ATG16L1: variants seen among roughly 807,000 people sequenced by gnomAD.
ATG16L1 encodes autophagy related 16 like 1.
Under a neutral mutation model 88.5 loss-of-function variants are expected in ATG16L1, and 37 were observed. That is an observed-to-expected ratio of 0.42 (90% CI 0.32 to 0.55). The LOEUF (loss-of-function observed/expected upper bound fraction) is 0.55. Ranked by LOEUF, ATG16L1 falls within the 20% of genes least tolerant of loss-of-function variation. The pLI is 0.13. For synonymous variants in ATG16L1, 301 were observed against 281.0 expected (o/e 1.07, Z -0.71); for missense variants, 554 against 752.8 (o/e 0.74, Z 3.09).
chr2:233,265,251 G>T, intron 5 of ATG16L1, 108 bp downstream of exon 5: 5 of 1,395,548 alleles, frequency 3.6e-6, no homozygotes, highest in Non-Finnish European at 4.9e-6. Flanking sequence ...GTTTACCAGG[G>T]AATTCTTTCA....
intron 10 of ATG16L1, among the ~76,000 whole-genome samples, chr2:233,278,760 A>G (rs1698539802): frequency 6.6e-6 from 1 of 151,974 alleles, no homozygotes; most frequent in South Asian, 2.1e-4. Flanking sequence ...TTAGTAAAGC[A>G]CCCCTCCTAT....
intron 9 of ATG16L1, chr2:233,277,363 C>A: frequency 2.0e-6 from 1 of 489,368 alleles, no homozygotes; most frequent in Non-Finnish European, 3.7e-6. Flanking sequence ...GGTTGCACTG[C>A]ACTCTAATGC....
chr2:233,259,337 T>C (rs1697036634), intron 2 of ATG16L1, among the ~76,000 whole-genome samples: 1 of 152,064 alleles, frequency 6.6e-6, no homozygotes, highest in Non-Finnish European at 1.5e-5. Flanking sequence ...GGAGGAGTGT[T>C]TTGGCCCTCT....
intron 2 of ATG16L1, among the ~76,000 whole-genome samples, chr2:233,261,463 G>C (rs748575874): frequency 1.1e-4 from 16 of 152,142 alleles, no homozygotes; most frequent in Non-Finnish European, 1.9e-4. Flanking sequence ...GTGTTCCACT[G>C]TCTAATCTCT....
chr2:233,281,425 T>C (rs1698713073), intron 11 of ATG16L1, among the ~76,000 whole-genome samples: 1 of 152,190 alleles, frequency 6.6e-6, no homozygotes, highest in Admixed American at 6.5e-5. Context: ...ACTTAATAGT[T>C]GTATTTTGAG....
chr2:233,277,293 G>A (rs1698438386), intron 9 of ATG16L1: 1 of 296,500 alleles, frequency 3.4e-6, no homozygotes, highest in Non-Finnish European at 6.5e-6. Flanking sequence ...TAGAACAGAT[G>A]AAATTAATGC....
intron 6 of ATG16L1, among the ~76,000 whole-genome samples, chr2:233,270,532 G>A (rs1697924717): frequency 6.6e-6 from 1 of 152,184 alleles, no homozygotes; most frequent in South Asian, 2.1e-4. Flanking sequence ...CCTGCACTCA[G>A]TACCCGTTAC....
chr2:233,262,149 C>G (rs908155716), intron 2 of ATG16L1, among the ~76,000 whole-genome samples: 1 of 152,194 alleles, frequency 6.6e-6, no homozygotes, highest in Non-Finnish European at 1.5e-5. Flanking sequence ...ATCCTTGACT[C>G]CTATCTGTCT....
intron 2 of ATG16L1, among the ~76,000 whole-genome samples, chr2:233,259,927 T>C (rs1355613718): frequency 2.0e-5 from 3 of 152,186 alleles, no homozygotes. Context: ...CTCAAAAGAC[T>C]CCTGTGACCG....
At chr2:233,272,538 A>G (rs1018401236) in intron 6 of ATG16L1, among the ~76,000 whole-genome samples, 2 of 152,172 alleles carry the variant, frequency 1.3e-5, no homozygotes, top group African/African-American at 4.8e-5. Context: ...TGCTGCCCCT[A>G]ACTACCCTAG....
chr2:233,271,600 T>C (rs1697995433), intron 6 of ATG16L1, among the ~76,000 whole-genome samples: 1 of 152,268 alleles, frequency 6.6e-6, no homozygotes, highest in Admixed American at 6.5e-5. Flanking sequence ...TTAATCTCTA[T>C]GCTTCCCTAA....
intron 1 of ATG16L1, among the ~76,000 whole-genome samples, chr2:233,253,437 C>T (rs542386358): frequency 1.5e-4 from 22 of 149,900 alleles, no homozygotes; most frequent in African/African-American, 5.4e-4. Context: ...CCTCCACCTC[C>T]CAGGTTCAAG....
At chr2:233,269,818 T>A (rs1697861059) in intron 5 of ATG16L1, among the ~76,000 whole-genome samples, 184 bp from the exon 6 acceptor site, 1 of 152,214 alleles carries the variant, frequency 6.6e-6, no homozygotes, top group South Asian at 2.1e-4. Flanking sequence ...TGAAACCCTT[T>A]AAAAGGGGAG....
rs764115562 is a variant in ATG16L1 at position 233,275,944 on chromosome 2, C to CT, written c.954+1167dup. 5 of 519,164 alleles carry CT rather than the reference C, an allele frequency of 9.6e-6. No individual in the cohort carries two copies. The Admixed American group carries it at 9.7e-5, about 10-fold the overall frequency. 32.2% of individuals were successfully genotyped at this position (519,164 alleles called of 1,614,324 possible). A position where few individuals can be genotyped will look rare whatever the true frequency, so the allele number is the denominator to read the frequency against. ...CCAACAAAACCAGTTACACAGGAGA[C>CT]TGACGAGTGGCAGTCATGGGTGTGA... is the stretch of plus-strand genomic sequence containing the variant. On this transcript the variant is annotated intron_variant, in intron 9 of 17. Coordinates refer to ENST00000392017, the MANE Select transcript of ATG16L1 (RefSeq NM_030803.7).
Position 233,289,990 on chromosome 2 carries a change from C to G in ATG16L1, c.1324+16C>G. On this transcript the variant is annotated intron_variant, in intron 13 of 17. Coordinates refer to ENST00000392017, the MANE Select transcript of ATG16L1 (RefSeq NM_030803.7). ...AGCAAAGTCTGTGAGGAAATTCAGT[C>G]TCTCTGTCTGTGTATATGCTTAGAT... 2 of 1,613,134 alleles carry G rather than the reference C, an allele frequency of 1.2e-6. No individual in the cohort carries two copies. The highest frequency in any genetic ancestry group is 8.5e-7 in the Non-Finnish European group (1 of 1,179,092).
intron 16 of ATG16L1, among the ~76,000 whole-genome samples, 169 bp from the exon 17 acceptor site, chr2:233,293,087 A>G (rs893712748): frequency 6.6e-6 from 1 of 152,200 alleles, no homozygotes; most frequent in African/African-American, 2.4e-5. Context: ...AATACTGGGG[A>G]AAAGCAGATT....
intron 2 of ATG16L1, among the ~76,000 whole-genome samples, chr2:233,260,388 T>C (rs1231516667): frequency 6.6e-6 from 1 of 152,214 alleles, no homozygotes; most frequent in African/African-American, 2.4e-5. Context: ...ATCTGTGTTT[T>C]CAGAAATGCT....
intron 1 of ATG16L1, 102 bp downstream of exon 1, chr2:233,252,044 A>G (rs1461294999): frequency 9.6e-7 from 1 of 1,040,166 alleles, no homozygotes; most frequent in Non-Finnish European, 1.3e-6. Flanking sequence ...CGCCGCCCGC[A>G]CGCATGGCGG....
At chr2:233,273,842 AT>A in intron 8 of ATG16L1, 65 bp downstream of exon 8, 2 of 1,564,006 alleles carry the variant, frequency 1.3e-6, no homozygotes, top group Non-Finnish European at 1.8e-6. Context: ...TACATGACTT[AT>A]TTTTATTCTT....
Sources: gnomAD v4.1 joint callset for allele counts (sites outside exome capture counted in the v4.1 genomes callset) on GRCh38, gnomAD v4.1.1 for gene constraint, MANE v1.5 for transcripts, NCBI Gene and HGNC (gene_info 2026-07-23, HGNC 2026-07-21) for gene names.